The following INPP5A variants were observed in gnomAD, a reference collection of about 807,000 sequenced individuals.
INPP5A encodes 43 kDa inositol polyphosphate 5-phophatase.
A neutral mutation model predicts 65.2 loss-of-function variants in INPP5A; 14 were observed. That is an observed-to-expected ratio of 0.21 (90% confidence interval 0.14 to 0.34). The LOEUF (loss-of-function observed/expected upper bound fraction) is 0.34. Among genes scored for constraint, INPP5A ranks in the 10% least tolerant of loss-of-function variants. The probability of loss-of-function intolerance (pLI) is 1.00; values close to 1 mark genes in which losing one functional copy is unlikely to be tolerated. For synonymous variants in INPP5A, 207 were observed against 208.3 expected, an observed-to-expected ratio of 0.99 and a Z score of 0.05; for missense variants, 431 against 545.6, an observed-to-expected ratio of 0.79 and a Z score of 2.09.
chr10:132,718,995 G>C (rs1467984743), intron 8 of INPP5A, among the ~76,000 whole-genome samples: 4 of 147,070 alleles, frequency 2.7e-5, no homozygotes, highest in Non-Finnish European at 6.0e-5. Flanking sequence ...CCTGGGTTCT[G>C]TCTGGGCGCC....
intron 1 of INPP5A, among the ~76,000 whole-genome samples, chr10:132,560,456 C>T (rs759121127): frequency 2.0e-5 from 3 of 152,174 alleles, no homozygotes; most frequent in Admixed American, 6.5e-5. Flanking sequence ...TTACTGTAAC[C>T]GTCCTGGTGG....
chr10:132,570,270 G>A (rs935265029), intron 1 of INPP5A, among the ~76,000 whole-genome samples: 1 of 152,214 alleles, frequency 6.6e-6, no homozygotes, highest in African/African-American at 2.4e-5. Flanking sequence ...GTGACTGCAC[G>A]TTTGCCTTGA....
intron 12 of INPP5A, among the ~76,000 whole-genome samples, chr10:132,774,645 T>C (rs1259013551): frequency 6.6e-6 from 1 of 152,042 alleles, no homozygotes; most frequent in African/African-American, 2.4e-5. Context: ...TTAAGCTTGT[T>C]GTCTGCTTCT....
intron 2 of INPP5A, among the ~76,000 whole-genome samples, chr10:132,643,320 T>C (rs2072450464): frequency 1.3e-5 from 2 of 152,104 alleles, no homozygotes. Context: ...TGAGGCAGTC[T>C]AGTGAGAAAA....
At position 132,753,186 on chromosome 10, in the gene INPP5A, G is replaced by A. The variant is rs983811222; in HGVS notation, c.903+3341G>A. 4.6e-5 allele frequency among the ~76,000 whole-genome samples: 7 copies of A among 152,238 alleles called. No homozygotes were observed. Among genetic ancestry groups the A allele is most frequent in the Middle Eastern group, 6.8e-3 (2 of 294 alleles). Reference sequence around the variant, plus strand: ...TGCCCTCGCACTTGCCCGAGGTGCCGGCATGCCGAGTCAGTTGTGCCCAGA... The same window carrying A: ...TGCCCTCGCACTTGCCCGAGGTGCCAGCATGCCGAGTCAGTTGTGCCCAGA... On this transcript the variant is annotated intron_variant, in intron 11 of 15. Coordinates refer to ENST00000368594, the MANE Select transcript of INPP5A (RefSeq NM_005539.5). The surrounding 1 kb of genome is among the most constrained non-coding windows in gnomAD (Gnocchi z 5.3).
At chr10:132,608,345 G>A (rs747717833) in intron 2 of INPP5A, among the ~76,000 whole-genome samples, 2 of 152,242 alleles carry the variant, frequency 1.3e-5, no homozygotes, top group African/African-American at 2.4e-5. Flanking sequence ...AGCGCACTCT[G>A]TGCAGAGAGT....
intron 2 of INPP5A, among the ~76,000 whole-genome samples, chr10:132,625,796 C>G (rs2072174358): frequency 6.6e-6 from 1 of 152,004 alleles, no homozygotes; most frequent in Non-Finnish European, 1.5e-5. Flanking sequence ...GGCCCAACTT[C>G]CCACTCACCT....
rs937931884 is a variant in INPP5A at position 132,674,964 on chromosome 10, C to T, written c.307-15428C>T. ...TTATCTGCCACTGACACCTCAAGCA[C>T]CATTGGATCTGCTGGGTCATATGGC... On this transcript the variant is annotated intron_variant, in intron 4 of 15. Transcript: ENST00000368594. This position sits in a 1 kb window ranked among gnomAD's most constrained non-coding sequence, Gnocchi z 4.4. 2.0e-5 allele frequency among the ~76,000 whole-genome samples: 3 copies of T among 152,322 alleles called. No individual in the cohort carries two copies. The highest frequency in any genetic ancestry group is 4.4e-5 in the Non-Finnish European group (3 of 68,024).
Position 132,616,823 on chromosome 10 carries a change from A to G in INPP5A, c.117+8867A>G, listed in dbSNP as rs961754979. Among the ~76,000 whole-genome samples the G allele has an allele frequency of 3.3e-5, 5 of 152,012 alleles. No homozygotes were observed. Among genetic ancestry groups the G allele is most frequent in the African/African-American group, 1.2e-4 (5 of 41,352 alleles). On this transcript the variant is annotated intron_variant, in intron 2 of 15. Transcript: ENST00000368594. This position sits in a 1 kb window ranked among gnomAD's most constrained non-coding sequence, Gnocchi z 4.9. ...GCTCTGGCCAGTGGCGAGTGGCACC[A>G]TGCAGCAGGGAGGAAGGCCAGCTTC...
At chr10:132,709,611 C>T (rs1306833657) in intron 7 of INPP5A, among the ~76,000 whole-genome samples, 1 of 152,108 alleles carries the variant, frequency 6.6e-6, no homozygotes, top group Non-Finnish European at 1.5e-5. Context: ...GGGCCACAGG[C>T]TGGAGGAGGG....
At chr10:132,584,013 G>A (rs2071518445) in intron 1 of INPP5A, among the ~76,000 whole-genome samples, 2 of 152,198 alleles carry the variant, frequency 1.3e-5, no homozygotes, top group Non-Finnish European at 2.9e-5. Context: ...GGCACAGGAG[G>A]TAGAGGCTGC....
At chr10:132,648,596 A>T (rs75433877) in intron 3 of INPP5A, among the ~76,000 whole-genome samples, 2,284 of 152,266 alleles carry the variant, frequency 0.015, 36 homozygotes, top group South Asian at 0.04. Flanking sequence ...GCTTTTGTTT[A>T]TCTGAAAAAG....
At chr10:132,628,156 G>A (rs188862102) in intron 2 of INPP5A, among the ~76,000 whole-genome samples, 1 of 152,358 alleles carries the variant, frequency 6.6e-6, no homozygotes, top group African/African-American at 2.4e-5. Flanking sequence ...GGAAGACAGT[G>A]TGATCCTTGT....
rs1302170705 is a variant in INPP5A, at chr10:132,587,078, T to G, written c.76-20837T>G. On this transcript the variant is annotated intron_variant, in intron 1 of 15. Transcript: ENST00000368594. The surrounding 1 kb of genome is among the most constrained non-coding windows in gnomAD (Gnocchi z 4.3). Reference sequence around the variant, plus strand: ...TCACTGTCACTAGGACTGCGTGTATTCCAGTCACAGCTGAGCCATGTAGTG... The same window carrying G: ...TCACTGTCACTAGGACTGCGTGTATGCCAGTCACAGCTGAGCCATGTAGTG... 6.6e-6 allele frequency among the ~76,000 whole-genome samples: 1 copy of G among 152,252 alleles called. No individual in the cohort carries two copies. Among genetic ancestry groups the G allele is most frequent in the Non-Finnish European group, 1.5e-5 (1 of 68,036 alleles).
intron 2 of INPP5A, among the ~76,000 whole-genome samples, chr10:132,623,445 T>A (rs2072134132): frequency 6.6e-6 from 1 of 151,738 alleles, no homozygotes; most frequent in Non-Finnish European, 1.5e-5. Flanking sequence ...GACATCCATA[T>A]GCAAAAAGTT....
At chr10:132,702,952 G>A (rs974004409) in intron 6 of INPP5A, among the ~76,000 whole-genome samples, 13 of 152,284 alleles carry the variant, frequency 8.5e-5, no homozygotes, top group Admixed American at 2.6e-4. Flanking sequence ...GAGTCTGGAC[G>A]TGGGAGCTGG....
chr10:132,718,716 C>T (rs548739803), intron 8 of INPP5A, among the ~76,000 whole-genome samples: 4 of 144,358 alleles, frequency 2.8e-5, no homozygotes, highest in African/African-American at 1.0e-4. Context: ...GGTTGTCTGG[C>T]GGGTTCTGTG....
intron 4 of INPP5A, among the ~76,000 whole-genome samples, chr10:132,669,185 G>A (rs1185608712): frequency 1.3e-5 from 2 of 152,144 alleles, no homozygotes; most frequent in African/African-American, 2.4e-5. Context: ...CCCAGGAGGC[G>A]GAGCTTGCAG....
rs775271931 is a variant in INPP5A, at chr10:132,635,386, ATTTTTTTT to A, written c.118-10462_118-10455del. 3.8e-3 allele frequency among the ~76,000 whole-genome samples: 208 copies of A among 54,520 alleles called. 4 individuals carry two copies. The highest frequency in any genetic ancestry group is 0.013 in the South Asian group (13 of 996). The allele number at this position is 54,520 out of a possible 152,430, so 35.8% of individuals were successfully genotyped here. A position where few individuals can be genotyped will look rare whatever the true frequency, so the allele number is the denominator to read the frequency against. On this transcript the variant is annotated intron_variant, in intron 2 of 15. Coordinates refer to ENST00000368594, the MANE Select transcript of INPP5A (RefSeq NM_005539.5). ...TTATTGGCTGTTTGCCTTTTTAAAG[ATTTTTTTT>A]TTTTTTTTTTTTTTTTTTTGAGACG...
Sources: gnomAD v4.1 joint callset for allele counts (sites outside exome capture counted in the v4.1 genomes callset) on GRCh38, gnomAD v4.1.1 for gene constraint, Gnocchi (gnomAD v3.1) non-coding constraint, MANE v1.5 for transcripts, NCBI Gene and HGNC (gene_info 2026-07-23, HGNC 2026-07-21) for gene names.